The following FAM135A variants were observed in gnomAD, a reference collection of about 807,000 sequenced individuals.
FAM135A encodes the protein protein FAM135A.
Under a neutral mutation model 146.8 loss-of-function variants are expected in FAM135A, and 79 were observed. The observed-to-expected ratio is 0.54, with a 90% CI of 0.45 to 0.65. The LOEUF (loss-of-function observed/expected upper bound fraction) is 0.65. Ranked by LOEUF, FAM135A falls within the 30% of genes least tolerant of loss-of-function variation. FAM135A has a pLI of 0.00. For missense variants in FAM135A, 1,623 were observed against 1,758.2 expected (o/e 0.92, Z 1.38); for synonymous variants, 562 against 603.6 (o/e 0.93, Z 1.01).
At chr6:70,499,287 A>G (rs942458154) in intron 11 of FAM135A, among the ~76,000 whole-genome samples, 1 of 151,960 alleles carries the variant, frequency 6.6e-6, no homozygotes, top group African/African-American at 2.4e-5. Flanking sequence ...TCAGACTAGG[A>G]TTTCATCCCC....
chr6:70,455,000 A>C (rs1259933915), intron 5 of FAM135A, among the ~76,000 whole-genome samples: 2 of 152,140 alleles, frequency 1.3e-5, no homozygotes, highest in African/African-American at 4.8e-5. Context: ...GATGGCATTG[A>C]ATCTATAAAT....
intron 11 of FAM135A, among the ~76,000 whole-genome samples, chr6:70,495,748 G>A (rs920146237): frequency 7.2e-5 from 11 of 152,052 alleles, no homozygotes; most frequent in African/African-American, 2.2e-4. Flanking sequence ...TCAACCTGTC[G>A]TCTACATTAG....
chr6:70,550,313 A>AG (rs1463070858), intron 20 of FAM135A, among the ~76,000 whole-genome samples: 1 of 152,226 alleles, frequency 6.6e-6, no homozygotes, highest in African/African-American at 2.4e-5. Flanking sequence ...GATCCATCAA[A>AG]GGAATCACTA....
rs763677649 is a variant in FAM135A at position 70,525,104 on chromosome 6, G to A, written c.2020G>A (p.Val674Ile). The A allele has an allele frequency of 6.4e-7, 1 of 1,565,808 alleles. No homozygotes were observed. The highest frequency in any genetic ancestry group is 8.6e-7 in the Non-Finnish European group (1 of 1,162,212). ...TCCTTTCAGTGGAGAGAATATAACT[G>A]TCAAACTAGGACCTTGGACAGAGCT... ...KDPFSGENITVKLGPWTELRQ... is the reference protein window; with the variant it reads ...KDPFSGENITIKLGPWTELRQ... Residue 674 changes from valine (V) to isoleucine (I), a missense_variant, in exon 15 of 22, where the codon GTC becomes ATC. Around this residue, in one of 7 missense-constraint regions of FAM135A, gnomAD observed 1,061 missense variants for 1,113.8 expected, o/e 0.95. Transcript: ENST00000418814.
chr6:70,420,413 T>C (rs1768553815), intron 2 of FAM135A, among the ~76,000 whole-genome samples: 1 of 152,222 alleles, frequency 6.6e-6, no homozygotes, highest in African/African-American at 2.4e-5. Context: ...TAGTTAGCTA[T>C]TGTTTTAGGA....
At chr6:70,459,801 G>A (rs1779075785) in intron 5 of FAM135A, among the ~76,000 whole-genome samples, 2 of 152,200 alleles carry the variant, frequency 1.3e-5, no homozygotes, top group South Asian at 2.1e-4. Flanking sequence ...AGGCTGAAGC[G>A]GGCAGATTAC....
intron 5 of FAM135A, among the ~76,000 whole-genome samples, chr6:70,474,258 G>T (rs1562483765): frequency 1.3e-5 from 2 of 152,012 alleles, no homozygotes; most frequent in Non-Finnish European, 2.9e-5. Flanking sequence ...TTGATCTCTA[G>T]TTTCTTTTTC....
At chr6:70,504,487 T>C (rs1789271840) in intron 12 of FAM135A, 1 of 152,182 alleles carries the variant, frequency 6.6e-6, no homozygotes, top group Admixed American at 6.5e-5. Context: ...AGGCCAGACA[T>C]GGACATAGCC....
intron 20 of FAM135A, among the ~76,000 whole-genome samples, chr6:70,546,295 T>C (rs1798857641): frequency 6.6e-6 from 1 of 152,238 alleles, no homozygotes; most frequent in South Asian, 2.1e-4. Flanking sequence ...TTTTTATATT[T>C]TATTATTCTA....
rs1479174340 is a variant in FAM135A, at chr6:70,525,098, A to G, written c.2014A>G (p.Ile672Val). The G allele has an allele frequency of 3.8e-6, 6 of 1,567,894 alleles. No homozygotes were observed. The highest frequency in any genetic ancestry group is 2.6e-6 in the Non-Finnish European group (3 of 1,163,206). The change falls in exon 15 of 22, where the codon ATA becomes GTA. Residue 672 changes from isoleucine (I) to valine (V), a missense_variant. Physicochemically the swap from Ile to Val is conservative, Grantham distance 29. Coordinates refer to ENST00000418814, the MANE Select transcript of FAM135A (RefSeq NM_001162529.3). ...SNKDPFSGEN[I>V]TVKLGPWTEL... Reference sequence around the variant, plus strand: ...TAAAGATCCTTTCAGTGGAGAGAATATAACTGTCAAACTAGGACCTTGGAC... The same window carrying G: ...TAAAGATCCTTTCAGTGGAGAGAATGTAACTGTCAAACTAGGACCTTGGAC...
intron 20 of FAM135A, among the ~76,000 whole-genome samples, chr6:70,551,846 A>G (rs1012102160): frequency 6.6e-6 from 1 of 152,224 alleles, no homozygotes; most frequent in Non-Finnish European, 1.5e-5. Context: ...AACAATTCCA[A>G]TAGTAACATC....
In FAM135A at chr6:70,497,513, G is replaced by C. The variant is rs1358498524; in HGVS notation, c.874-5123G>C. ...TTCTTTCTCTTGCCAGATTGCCCTGGCCAGTACTTCCAATACTATGTTGAA... is the reference window on the plus strand; with the variant it reads ...TTCTTTCTCTTGCCAGATTGCCCTGCCCAGTACTTCCAATACTATGTTGAA... On this transcript the variant is annotated intron_variant, in intron 11 of 21. Transcript: ENST00000418814. 2.0e-5 allele frequency among the ~76,000 whole-genome samples: 3 copies of C among 152,130 alleles called. 1 individual carries two copies. Among genetic ancestry groups the C allele is most frequent in the African/African-American group, 7.2e-5 (3 of 41,424 alleles).
Position 70,526,319 on chromosome 6 carries a change from C to G in FAM135A, c.3235C>G (p.Gln1079Glu), listed in dbSNP as rs775619881. The change falls in exon 15 of 22, where the codon CAG becomes GAG. Residue 1079 changes from glutamine to glutamate, a missense_variant. By Grantham distance (29) the Gln-to-Glu change is conservative. Around this residue, in one of 7 missense-constraint regions of FAM135A, gnomAD observed 1,061 missense variants for 1,113.8 expected, o/e 0.95. Transcript: ENST00000418814. ...TSEKEISNLQ[Q>E]EQDKEDEEEE... Reference sequence around the variant, plus strand: ...TGAAAAAGAAATTAGTAATCTTCAGCAGGAACAGGATAAAGAGGATGAGGA... The same window carrying G: ...TGAAAAAGAAATTAGTAATCTTCAGGAGGAACAGGATAAAGAGGATGAGGA... The G allele has an allele frequency of 6.2e-7, 1 of 1,613,132 alleles. No individual in the cohort carries two copies. The highest frequency in any genetic ancestry group is 8.5e-7 in the Non-Finnish European group (1 of 1,179,520).
chr6:70,494,450 T>C (rs76920724), intron 11 of FAM135A, among the ~76,000 whole-genome samples: 18,579 of 150,616 alleles, frequency 0.12, 1,446 homozygotes, highest in Middle Eastern at 0.19. Context: ...TACCTTTGAA[T>C]GGCCACTGCA....
intron 4 of FAM135A, among the ~76,000 whole-genome samples, chr6:70,439,501 C>G (rs746626806): frequency 6.6e-6 from 1 of 152,012 alleles, no homozygotes; most frequent in African/African-American, 2.4e-5. Flanking sequence ...TCCTTGTATT[C>G]TATATTAATT....
At position 70,475,721 on chromosome 6, in the gene FAM135A, A is replaced by T. The variant is rs773978419; in HGVS notation, c.356A>T (p.Asp119Val). ...TTATCCTTGGATCTACACTTCACAG[A>T]TGGAGATTATTCGTAAGTAGCTAAT... ...FLLSLDLHFT[D>V]GDYSADDLNA... The change falls in exon 7 of 22, where the codon GAT becomes GTT. Residue 119 changes from aspartate to valine, a missense_variant. Physicochemically the swap from Asp to Val is radical, Grantham distance 152 (BLOSUM62 -3). Coordinates refer to ENST00000418814, the MANE Select transcript of FAM135A (RefSeq NM_001162529.3). The T allele has an allele frequency of 6.2e-7, 1 of 1,608,700 alleles. No individual in the cohort carries two copies. Among genetic ancestry groups the T allele is most frequent in the South Asian group, 1.1e-5 (1 of 90,246 alleles).
At chr6:70,491,605 G>A (rs1785991693) in intron 11 of FAM135A, among the ~76,000 whole-genome samples, 1 of 151,784 alleles carries the variant, frequency 6.6e-6, no homozygotes, top group Non-Finnish European at 1.5e-5. Context: ...GAAATCAGAG[G>A]TGTGAATCAA....
At chr6:70,523,061 T>C (rs1234649816) in intron 13 of FAM135A, among the ~76,000 whole-genome samples, 1 of 152,214 alleles carries the variant, frequency 6.6e-6, no homozygotes, top group Non-Finnish European at 1.5e-5. Flanking sequence ...CATTAAGGAA[T>C]ATTTTGAGGA....
intron 12 of FAM135A, among the ~76,000 whole-genome samples, chr6:70,519,118 G>A (rs1792964277): frequency 6.6e-6 from 1 of 152,204 alleles, no homozygotes; most frequent in Admixed American, 6.5e-5. Context: ...ATATCAACAT[G>A]AACAGAAGTT....
Sources: allele counts gnomAD v4.1 joint callset (sites outside exome capture counted in the v4.1 genomes callset), GRCh38; gene constraint gnomAD v4.1.1; regional missense constraint gnomAD v4.1.1; transcripts MANE v1.5; gene names NCBI Gene and HGNC (gene_info 2026-07-23, HGNC 2026-07-21).